EXOC2: variants seen among roughly 807,000 people sequenced by gnomAD.
EXOC2 encodes exocyst complex component 2.
A neutral mutation model predicts 131.8 loss-of-function variants in EXOC2; 70 were observed. That is an observed-to-expected ratio of 0.53 (90% CI 0.44 to 0.65). EXOC2 has a LOEUF of 0.65. Among genes scored for constraint, EXOC2 ranks in the 30% least tolerant of loss-of-function variants. EXOC2 has a pLI of 0.00. For synonymous variants in EXOC2, 411 were observed against 398.4 expected (o/e 1.03, Z -0.38); for missense variants, 923 against 1,108.6 (o/e 0.83, Z 2.38).
intron 1 of EXOC2, chr6:656,268 A>T (rs553722551): frequency 6.2e-7 from 1 of 1,614,180 alleles, no homozygotes; most frequent in South Asian, 1.1e-5. Flanking sequence ...CACTTGCACC[A>T]TGCTCTCCAG....
At chr6:634,565 T>C (rs1290324629) in intron 2 of EXOC2, among the ~76,000 whole-genome samples, 2 of 152,186 alleles carry the variant, frequency 1.3e-5, no homozygotes, top group Non-Finnish European at 2.9e-5. Flanking sequence ...TAAAGAACTA[T>C]TTAGTAAGAA....
At chr6:610,721 C>T in intron 6 of EXOC2, among the ~76,000 whole-genome samples, 1 of 152,326 alleles carries the variant, frequency 6.6e-6, no homozygotes, top group Non-Finnish European at 1.5e-5. Flanking sequence ...AAATTCGGTT[C>T]TCAAATGCAC....
At chr6:663,520 T>C (rs367776894) in intron 1 of EXOC2, among the ~76,000 whole-genome samples, 11 of 152,238 alleles carry the variant, frequency 7.2e-5, no homozygotes, top group Admixed American at 2.0e-4. Flanking sequence ...TTGATGAACA[T>C]AGATGCTAAA....
At chr6:684,061 C>CCT (rs1312673236) in intron 1 of EXOC2, among the ~76,000 whole-genome samples, 1 of 152,212 alleles carries the variant, frequency 6.6e-6, no homozygotes, top group Non-Finnish European at 1.5e-5. Context: ...CTGTTAGCAG[C>CCT]CTCTCGGCTG....
intron 7 of EXOC2, among the ~76,000 whole-genome samples, chr6:608,040 C>T (rs1273505112): frequency 6.6e-6 from 1 of 152,200 alleles, no homozygotes; most frequent in Non-Finnish European, 1.5e-5. Flanking sequence ...TATAATTATA[C>T]ATCAGGTAAA....
chr6:638,707 C>T (rs1238856466), intron 1 of EXOC2, among the ~76,000 whole-genome samples: 7 of 152,040 alleles, frequency 4.6e-5, no homozygotes, highest in Admixed American at 1.3e-4. Context: ...CCGAGGCGGG[C>T]GGATCACGAG....
At chr6:489,308 G>A (rs1333896428) in intron 26 of EXOC2, among the ~76,000 whole-genome samples, 2 of 152,244 alleles carry the variant, frequency 1.3e-5, no homozygotes. Context: ...TCTTCGAAAG[G>A]ATGCTAGTGA....
chr6:513,208 C>A (rs182432955), intron 23 of EXOC2, among the ~76,000 whole-genome samples: 9 of 152,350 alleles, frequency 5.9e-5, no homozygotes, highest in Admixed American at 5.9e-4. Context: ...GTGCTCCAGT[C>A]CCCGTGGGGA....
chr6:605,312 A>G (rs958231917), intron 7 of EXOC2, among the ~76,000 whole-genome samples: 2 of 152,254 alleles, frequency 1.3e-5, no homozygotes, highest in African/African-American at 4.8e-5. Flanking sequence ...CGTTTGTTGA[A>G]ACATTAAAAA....
chr6:560,617 AT>A (rs1757648304), intron 17 of EXOC2, among the ~76,000 whole-genome samples: 2 of 152,110 alleles, frequency 1.3e-5, no homozygotes, highest in East Asian at 3.9e-4. Context: ...TTCTCTAAAG[AT>A]TTAGTGTGAG....
Position 521,739 on chromosome 6 carries a change from G to T in EXOC2, c.2380+10730C>A, listed in dbSNP as rs567799912. On this transcript the variant is annotated intron_variant, in intron 23 of 27. Coordinates refer to ENST00000230449, the MANE Select transcript of EXOC2 (RefSeq NM_018303.6). ...GATGGGGTCTCACTATGTTGCCCAG[G>T]TTGGTCTCTAACTCCTGGGCTCAAG... Among the ~76,000 whole-genome samples, 102 of 152,074 alleles carry T rather than the reference G, an allele frequency of 6.7e-4. 1 individual carries two copies. The highest frequency in any genetic ancestry group is 5.2e-4 in the Admixed American group (8 of 15,280).
In EXOC2 at chr6:521,014, G is replaced by T. The variant is rs915384306; in HGVS notation, c.2380+11455C>A. 9.6e-4 allele frequency among the ~76,000 whole-genome samples: 143 copies of T among 148,348 alleles called. 1 individual carries two copies. The highest frequency in any genetic ancestry group is 2.2e-3 in the South Asian group (10 of 4,594). On this transcript the variant is annotated intron_variant, in intron 23 of 27. Transcript: ENST00000230449. Reference sequence around the variant, plus strand: ...ATACTCACCGTCCACACTCGGAGATGAAAACAACCGCCCACCGAGCGCCGA... The same window carrying T: ...ATACTCACCGTCCACACTCGGAGATTAAAACAACCGCCCACCGAGCGCCGA...
At position 598,052 on chromosome 6, in the gene EXOC2, A is replaced by G; in HGVS notation, c.1042T>C (p.Ser348Pro). ...LLLDKLLETP[S>P]TLHDQKRYIR... ...TAACGTTTTTGGTCATGTAAAGTTG[A>G]TGGTGTCTCAAGCAATTTATCCAGA... is the stretch of plus-strand genomic sequence containing the variant. Residue 348 changes from serine (S) to proline (P), a missense_variant, in exon 10 of 28, where the codon TCA (serine) becomes CCA (proline). Ser to Pro is a moderately conservative substitution (Grantham distance 74). Coordinates refer to ENST00000230449, the MANE Select transcript of EXOC2 (RefSeq NM_018303.6). 5 of 1,613,864 alleles carry G rather than the reference A, an allele frequency of 3.1e-6. No homozygotes were observed. The highest frequency in any genetic ancestry group is 4.2e-6 in the Non-Finnish European group (5 of 1,179,824).
At chr6:581,173 G>A (rs1758874439) in intron 11 of EXOC2, among the ~76,000 whole-genome samples, 1 of 151,958 alleles carries the variant, frequency 6.6e-6, no homozygotes, top group Non-Finnish European at 1.5e-5. Flanking sequence ...GCACATGCCT[G>A]TAGTCCCAGC....
chr6:490,786 C>T (rs1246384445), intron 26 of EXOC2, among the ~76,000 whole-genome samples: 1 of 152,176 alleles, frequency 6.6e-6, no homozygotes, highest in Non-Finnish European at 1.5e-5. Context: ...TGCAGAGAAA[C>T]CACAAGGCTT....
intron 1 of EXOC2, among the ~76,000 whole-genome samples, chr6:677,120 T>C (rs58022076): frequency 0.031 from 567 of 18,166 alleles, 107 homozygotes; most frequent in East Asian, 0.28. Flanking sequence ...GACTGCGGTT[T>C]CCCATACTCT....
At chr6:586,025 T>C (rs967798606) in intron 11 of EXOC2, among the ~76,000 whole-genome samples, 4 of 152,362 alleles carry the variant, frequency 2.6e-5, no homozygotes, top group African/African-American at 7.2e-5. Context: ...AAAAACAATG[T>C]AGCTTTATAA....
At chr6:510,557 T>C (rs987701590) in intron 23 of EXOC2, among the ~76,000 whole-genome samples, 3 of 152,192 alleles carry the variant, frequency 2.0e-5, no homozygotes, top group African/African-American at 7.2e-5. Context: ...CATAAGAGTT[T>C]AGATTCATAA....
chr6:567,174 T>C (rs1758010331), intron 13 of EXOC2, among the ~76,000 whole-genome samples: 1 of 152,196 alleles, frequency 6.6e-6, no homozygotes. Context: ...CCCCGCCCCA[T>C]GGCCTGGGAT....
Sources: gnomAD v4.1 joint callset for allele counts (sites outside exome capture counted in the v4.1 genomes callset) on GRCh38, gnomAD v4.1.1 for gene constraint, MANE v1.5 for transcripts, NCBI Gene and HGNC (gene_info 2026-07-23, HGNC 2026-07-21) for gene names.